The following CUX2 variants were observed in gnomAD, a reference collection of about 807,000 sequenced individuals.
CUX2 encodes homeobox protein cut-like 2.
In CUX2, 40 loss-of-function variants were observed where a neutral mutation model predicts 144.8. The observed-to-expected ratio is 0.28, with a 90% CI of 0.21 to 0.36. CUX2 has a LOEUF of 0.36. Among genes scored for constraint, CUX2 ranks in the 10% least tolerant of loss-of-function variants. The pLI is 1.00. For missense variants in CUX2, 1,615 were observed against 1,994.0 expected, an observed-to-expected ratio of 0.81 and a Z score of 3.62; for synonymous variants, 827 against 875.6, an observed-to-expected ratio of 0.94 and a Z score of 0.98.
At chr12:111,100,591 G>A (rs1026382377) in intron 1 of CUX2, among the ~76,000 whole-genome samples, 2 of 152,198 alleles carry the variant, frequency 1.3e-5, no homozygotes, top group Non-Finnish European at 2.9e-5. Flanking sequence ...ATGCGTGTGT[G>A]TAAGCATGAG....
chr12:111,270,457 A>AG (rs947755923), intron 4 of CUX2: 2 of 151,626 alleles, frequency 1.3e-5, no homozygotes, highest in African/African-American at 4.9e-5. Context: ...GCGTGAAGTG[A>AG]GAAAAAAAAA....
chr12:111,306,909 C>T lies in CUX2; in HGVS notation c.859-12C>T. ...TCACCTCTCAGCCCCTCAAAGACCCCTTTGCCTGCAGGATAAGGTGAACTT... is the reference window on the plus strand; with the variant it reads ...TCACCTCTCAGCCCCTCAAAGACCCTTTTGCCTGCAGGATAAGGTGAACTT... On this transcript the variant is annotated splice_polypyrimidine_tract_variant and intron_variant, in intron 10 of 21. Coordinates refer to ENST00000261726, the MANE Select transcript of CUX2 (RefSeq NM_015267.4). 2.5e-6 allele frequency: 4 copies of T among 1,580,742 alleles called. No homozygotes were observed. Among genetic ancestry groups the T allele is most frequent in the Non-Finnish European group, 3.5e-6 (4 of 1,159,164 alleles).
chr12:111,347,479 G>A lies in CUX2; in HGVS notation c.3660-45G>A, dbSNP rs775243967. The A allele has an allele frequency of 5.5e-5, 84 of 1,521,608 alleles. 2 individuals carry two copies. The highest frequency in any genetic ancestry group is 4.5e-4 in the Middle Eastern group (2 of 4,412). 94.3% of individuals were successfully genotyped at this position (1,521,608 alleles called of 1,614,324 possible). On this transcript the variant is annotated intron_variant, in intron 21 of 21. Transcript: ENST00000261726. Reference sequence around the variant, plus strand: ...GTATGCAGATGGAGTCCAGGGTTTGGGAGTCCCCTGTCCAGCCCCAGGCTC... The same window carrying A: ...GTATGCAGATGGAGTCCAGGGTTTGAGAGTCCCCTGTCCAGCCCCAGGCTC...
At chr12:111,244,801 G>A (rs533657287) in intron 3 of CUX2, among the ~76,000 whole-genome samples, 61 of 152,302 alleles carry the variant, frequency 4.0e-4, no homozygotes, top group African/African-American at 1.4e-3. Flanking sequence ...CCCCCAGGGT[G>A]TCAGGAAACC....
At chr12:111,085,578 G>C (rs150115148) in intron 1 of CUX2, among the ~76,000 whole-genome samples, 87 of 152,314 alleles carry the variant, frequency 5.7e-4, no homozygotes, top group African/African-American at 1.9e-3. Context: ...CAGTTTACTT[G>C]TGCCTCCAGA....
In CUX2 at chr12:111,255,471, G is replaced by C. The variant is rs1883771788; in HGVS notation, c.223-8290G>C. Among the ~76,000 whole-genome samples the C allele has an allele frequency of 6.6e-6, 1 of 152,186 alleles. No homozygotes were observed. The highest frequency in any genetic ancestry group is 2.4e-5 in the African/African-American group (1 of 41,456). On this transcript the variant is annotated intron_variant, in intron 3 of 21. Coordinates refer to ENST00000261726, the MANE Select transcript of CUX2 (RefSeq NM_015267.4). The surrounding 1 kb of genome is among the most constrained non-coding windows in gnomAD (Gnocchi z 4.1). ...AGGGTTGAGTCCTGCAGCTCCTCCT[G>C]GCCTCCCGTCCCCCACCTACCTGCC...
chr12:111,139,842 C>T (rs760159310), intron 1 of CUX2, among the ~76,000 whole-genome samples: 18 of 152,152 alleles, frequency 1.2e-4, no homozygotes, highest in Non-Finnish European at 2.2e-4. Context: ...TCACTCTGCC[C>T]GAGAGCCACT....
intron 14 of CUX2, among the ~76,000 whole-genome samples, chr12:111,308,832 A>G (rs1407317997): frequency 6.6e-6 from 1 of 152,134 alleles, no homozygotes; most frequent in Non-Finnish European, 1.5e-5. Context: ...CAAGCAGGGC[A>G]TTGTCATTAC....
intron 18 of CUX2, among the ~76,000 whole-genome samples, chr12:111,329,729 A>G (rs1435588406): frequency 6.6e-6 from 1 of 152,100 alleles, no homozygotes; most frequent in African/African-American, 2.4e-5. Flanking sequence ...TCTGCCTCCC[A>G]GGTTCAACCA....
chr12:111,335,470 G>A (rs1284966082), intron 19 of CUX2, among the ~76,000 whole-genome samples: 1 of 151,950 alleles, frequency 6.6e-6, no homozygotes. Context: ...CAGCACTTTG[G>A]GAGGCCAAGG....
At chr12:111,318,638 A>C (rs1400822252) in intron 16 of CUX2, among the ~76,000 whole-genome samples, 1 of 150,364 alleles carries the variant, frequency 6.7e-6, no homozygotes, top group Admixed American at 6.7e-5. Flanking sequence ...TTGCATAAGG[A>C]CTTCCTTTTT....
intron 16 of CUX2, 98 bp from the exon 17 acceptor site, chr12:111,319,914 G>GA: frequency 7.2e-7 from 1 of 1,388,450 alleles, no homozygotes; most frequent in South Asian, 1.6e-5. Flanking sequence ...AGGTTGCCTG[G>GA]ACACCGTGCT....
chr12:111,042,457 C>A lies in CUX2; in HGVS notation c.63+8217C>A, dbSNP rs550510108. Among the ~76,000 whole-genome samples the A allele has an allele frequency of 2.0e-5, 3 of 152,268 alleles. No homozygotes were observed. The East Asian group carries it at 5.8e-4, about 29-fold the overall frequency. On this transcript the variant is annotated intron_variant, in intron 1 of 21. Coordinates refer to ENST00000261726, the MANE Select transcript of CUX2 (RefSeq NM_015267.4). ...GCGGAATCAAGCCCTACACCCTCCA[C>A]CCCCAAAGACTACCTGGACTCTGGA...
intron 1 of CUX2, among the ~76,000 whole-genome samples, chr12:111,140,062 G>T (rs1280839005): frequency 6.6e-6 from 1 of 152,170 alleles, no homozygotes; most frequent in South Asian, 2.1e-4. Context: ...TCAGTATTTG[G>T]CATTTCCAGT....
intron 1 of CUX2, among the ~76,000 whole-genome samples, chr12:111,198,474 C>CA (rs1462714448): frequency 0.35 from 42,367 of 122,478 alleles, 8,554 homozygotes; most frequent in East Asian, 0.61. Flanking sequence ...GACCCTGTCT[C>CA]AAAAAAAAAA....
intron 21 of CUX2, 142 bp from the exon 22 acceptor site, chr12:111,347,382 A>G (rs1047259868): frequency 1.4e-5 from 10 of 723,834 alleles, no homozygotes; most frequent in Non-Finnish European, 2.3e-5. Context: ...GAGAAGACTT[A>G]ATAAGATGGT....
At position 111,340,932 on chromosome 12, in the gene CUX2, A is replaced by G. The variant is rs200946010; in HGVS notation, c.3386-848A>G. On this transcript the variant is annotated intron_variant, in intron 20 of 21. Transcript: ENST00000261726. ...CAGCATGCGAAGTCCTGTTCCAGCCAGTGGAAACCGGACACAGCAGTAGGG... is the reference window on the plus strand; with the variant it reads ...CAGCATGCGAAGTCCTGTTCCAGCCGGTGGAAACCGGACACAGCAGTAGGG... Among the ~76,000 whole-genome samples the G allele has an allele frequency of 2.0e-5, 3 of 152,242 alleles. No individual in the cohort carries two copies. The East Asian group carries it at 5.8e-4, about 29-fold the overall frequency.
intron 1 of CUX2, among the ~76,000 whole-genome samples, chr12:111,040,285 T>TA (rs1215133830): frequency 0.012 from 1,675 of 142,522 alleles, 27 homozygotes; most frequent in African/African-American, 0.034. Flanking sequence ...AGACCCTGTT[T>TA]AAAAAAAAAA....
chr12:111,073,879 TGAG>T (rs993871347), intron 1 of CUX2, among the ~76,000 whole-genome samples: 46 of 152,032 alleles, frequency 3.0e-4, no homozygotes, highest in African/African-American at 1.1e-3. Flanking sequence ...GAGAATGTCT[TGAG>T]GAGTTCAAGG....
Sources: gnomAD v4.1 joint callset for allele counts (sites outside exome capture counted in the v4.1 genomes callset) on GRCh38, gnomAD v4.1.1 for gene constraint, Gnocchi (gnomAD v3.1) non-coding constraint, MANE v1.5 for transcripts, NCBI Gene and HGNC (gene_info 2026-07-23, HGNC 2026-07-21) for gene names.